CIMAP2: variants seen among roughly 807,000 people sequenced by gnomAD.
The protein encoded by CIMAP2 is ciliary microtubule-associated protein 2.
the CIMAP2 span, among the ~76,000 whole-genome samples, chr1:54,831,495 A>G: frequency 6.6e-6 from 1 of 152,140 alleles, no homozygotes; most frequent in Non-Finnish European, 1.5e-5. Context: ...TCTACTAAAA[A>G]TGCAAAAATT....
chr1:54,821,732 T>C, the CIMAP2 span, among the ~76,000 whole-genome samples: 29,958 of 152,076 alleles, frequency 0.2, 3,059 homozygotes, highest in East Asian at 0.34. Context: ...AATTATTGTA[T>C]GTTAATTTTG....
chr1:54,812,279 C>T, the CIMAP2 span: 1 of 1,536,656 alleles, frequency 6.5e-7, no homozygotes, highest in Non-Finnish European at 8.9e-7. Context: ...AGCCTGTGTG[C>T]CAGGCTCTGC....
chr1:54,806,139 C>A, the CIMAP2 span: 2 of 1,546,404 alleles, frequency 1.3e-6, no homozygotes, highest in African/African-American at 1.4e-5. Flanking sequence ...CAGGATGCCG[C>A]CGGAGCTCAT....
the CIMAP2 span, among the ~76,000 whole-genome samples, chr1:54,823,942 TTTTG>T: frequency 5.7e-3 from 870 of 152,206 alleles, 6 homozygotes; most frequent in East Asian, 0.032. Flanking sequence ...TTGGCAGTTT[TTTTG>T]TTTGTTTGTT....
the CIMAP2 span, among the ~76,000 whole-genome samples, chr1:54,840,915 A>T: frequency 6.6e-6 from 1 of 152,234 alleles, no homozygotes; most frequent in Admixed American, 6.5e-5. Context: ...TTTAATGGGA[A>T]GTAATTCTTG....
At chr1:54,806,097 G>C in the CIMAP2 span, 1 of 1,506,968 alleles carries the variant, frequency 6.6e-7, no homozygotes, top group South Asian at 1.2e-5. Flanking sequence ...CAGCGGAGGC[G>C]GGCAGCGCGC....
the CIMAP2 span, chr1:54,806,305 GA>G: frequency 7.5e-7 from 1 of 1,328,408 alleles, no homozygotes; most frequent in Admixed American, 3.1e-5. Flanking sequence ...CCTCGGGAGA[GA>G]GGGTGTCCAC....
chr1:54,821,531 A>G, the CIMAP2 span, among the ~76,000 whole-genome samples: 7 of 152,170 alleles, frequency 4.6e-5, no homozygotes, highest in African/African-American at 1.4e-4. Context: ...CCAGTTCATG[A>G]ACATTGGATA....
At chr1:54,835,905 T>G in the CIMAP2 span, among the ~76,000 whole-genome samples, 1 of 152,128 alleles carries the variant, frequency 6.6e-6, no homozygotes, top group African/African-American at 2.4e-5. Flanking sequence ...GGGAAGGCTC[T>G]TTGAACCCAG....
At chr1:54,841,994 A>G in the CIMAP2 span, 6 of 1,000,052 alleles carry the variant, frequency 6.0e-6, no homozygotes, top group Non-Finnish European at 9.0e-6. Flanking sequence ...TGGGCTTGGG[A>G]GAGGGGAGAG....
At chr1:54,841,427 C>T in the CIMAP2 span, among the ~76,000 whole-genome samples, 1 of 152,070 alleles carries the variant, frequency 6.6e-6, no homozygotes, top group Non-Finnish European at 1.5e-5. Flanking sequence ...GGCTTACATT[C>T]TGGCCCTGAT....
At chr1:54,812,279 C>G in the CIMAP2 span, 11 of 1,536,658 alleles carry the variant, frequency 7.2e-6, no homozygotes, top group Admixed American at 1.8e-4. Flanking sequence ...AGCCTGTGTG[C>G]CAGGCTCTGC....
chr1:54,811,765 G>GCGGGGGGGGGGGGGCCCCC, the CIMAP2 span: 3 of 1,301,332 alleles, frequency 2.3e-6, no homozygotes, highest in Non-Finnish European at 3.3e-6. Context: ...GGTTCTGACA[G>GCGGGGGGGGGGGGGCCCCC]CCTCCATGCC....
the CIMAP2 span, chr1:54,815,005 G>C: frequency 6.2e-7 from 1 of 1,614,180 alleles, no homozygotes; most frequent in South Asian, 1.1e-5. Context: ...AAGGGGTCAG[G>C]TGCAAAGGCC....
chr1:54,833,805 C>T, the CIMAP2 span, among the ~76,000 whole-genome samples: 2 of 152,098 alleles, frequency 1.3e-5, no homozygotes, highest in Non-Finnish European at 2.9e-5. Context: ...CCTTTGTCTT[C>T]CCCACATTGT....
chr1:54,814,815 G>A, the CIMAP2 span: 2 of 1,535,104 alleles, frequency 1.3e-6, no homozygotes, highest in African/African-American at 2.7e-5. Flanking sequence ...AGGGCTGCTG[G>A]ATGGGTGGAG....
chr1:54,808,100 C>T, the CIMAP2 span: 1 of 1,380,676 alleles, frequency 7.2e-7, no homozygotes. Context: ...ATCCATCCAG[C>T]CAGCCAGCCA....
chr1:54,832,066 A>G, the CIMAP2 span, among the ~76,000 whole-genome samples: 6 of 152,218 alleles, frequency 3.9e-5, no homozygotes, highest in African/African-American at 1.4e-4. Context: ...GCTGGTCTCA[A>G]ACTCCTGGGC....
chr1:54,807,481 CT>C, the CIMAP2 span: 3 of 1,454,826 alleles, frequency 2.1e-6, no homozygotes, highest in African/African-American at 4.3e-5. Flanking sequence ...TGTGGGTAGA[CT>C]GGGCGGGCGT....
Sources: gnomAD v4.1 joint callset for allele counts (sites outside exome capture counted in the v4.1 genomes callset) on GRCh38, gnomAD v4.1.1 for gene constraint, MANE v1.5 for transcripts, NCBI Gene and HGNC (gene_info 2026-07-23, HGNC 2026-07-21) for gene names.